Variants in PTPRN2 observed in about 807,000 individuals in gnomAD.
PTPRN2 encodes the protein receptor-type tyrosine-protein phosphatase N2.
In PTPRN2, 74 loss-of-function variants were observed where a neutral mutation model predicts 118.8. The ratio of observed to expected loss-of-function variants is 0.62; its 90% CI spans 0.52 to 0.76. PTPRN2 has a LOEUF of 0.76. Among genes scored for constraint, PTPRN2 ranks in the 30% least tolerant of loss-of-function variants. The pLI is 0.00. For synonymous variants in PTPRN2, 641 were observed against 608.0 expected, an observed-to-expected ratio of 1.05 and a Z score of -0.80; for missense variants, 1,481 against 1,394.4, an observed-to-expected ratio of 1.06 and a Z score of -0.99.
intron 3 of PTPRN2, among the ~76,000 whole-genome samples, chr7:158,304,477 G>C (rs887714403): frequency 1.3e-5 from 2 of 148,458 alleles, no homozygotes; most frequent in African/African-American, 4.9e-5. Flanking sequence ...ATGTACACAG[G>C]CTTGGATTTC....
rs377038236 is a variant in PTPRN2, at chr7:158,055,350, G to A, written c.1723+25948C>T. Among the ~76,000 whole-genome samples, 445 of 152,272 alleles carry A rather than the reference G, an allele frequency of 2.9e-3. 2 individuals are homozygous for A. The highest frequency in any genetic ancestry group is 9.5e-3 in the African/African-American group (396 of 41,574). On this transcript the variant is annotated intron_variant, in intron 11 of 22. Coordinates refer to ENST00000389418, the MANE Select transcript of PTPRN2 (RefSeq NM_002847.5). Reference sequence around the variant, plus strand: ...TCTGGGAAGATGCCCGTTGCCAAGCGGACCGTGGTCAAGCGGTAGCGTCAG... The same window carrying A: ...TCTGGGAAGATGCCCGTTGCCAAGCAGACCGTGGTCAAGCGGTAGCGTCAG...
chr7:158,396,256 CAAAG>C (rs1391384887), intron 2 of PTPRN2, among the ~76,000 whole-genome samples: 1 of 152,158 alleles, frequency 6.6e-6, no homozygotes, highest in African/African-American at 2.4e-5. Flanking sequence ...CACACACACA[CAAAG>C]AAGCCGTTTA....
At chr7:157,768,976 C>T (rs76393724) in intron 12 of PTPRN2, among the ~76,000 whole-genome samples, 1,788 of 152,320 alleles carry the variant, frequency 0.012, 75 homozygotes, top group East Asian at 0.095. Context: ...TAATTACTGT[C>T]ACCGCTGTGT....
At position 158,574,467 on chromosome 7, in the gene PTPRN2, G is replaced by A. The variant is rs562053049; in HGVS notation, c.112+13091C>T. ...AAATAAATGCACATTTCTGTTGGTG[G>A]CGCCATCAGACACTGAGACACTGAG... On this transcript the variant is annotated intron_variant, in intron 1 of 22. Coordinates refer to ENST00000389418, the MANE Select transcript of PTPRN2 (RefSeq NM_002847.5). This position sits in a 1 kb window ranked among gnomAD's most constrained non-coding sequence, Gnocchi z 4.6. 2.6e-5 allele frequency among the ~76,000 whole-genome samples: 4 copies of A among 152,248 alleles called. No homozygotes were observed. Among genetic ancestry groups the A allele is most frequent in the Admixed American group, 2.6e-4 (4 of 15,298 alleles).
At chr7:157,857,180 G>C (rs1809771078) in intron 12 of PTPRN2, 1 of 151,520 alleles carries the variant, frequency 6.6e-6, no homozygotes, top group Non-Finnish European at 1.5e-5. Flanking sequence ...CGCTGGAAGG[G>C]GAGGGAGGGG....
In PTPRN2 at chr7:157,754,887, TTTG is replaced by T. The variant is rs200235655; in HGVS notation, c.1789-71953_1789-71951del. Among the ~76,000 whole-genome samples the T allele has an allele frequency of 1.8e-4, 28 of 152,074 alleles. No individual in the cohort carries two copies. In the South Asian group the frequency reaches 3.9e-3, roughly 21 times the overall value. The stretch of plus-strand genomic sequence containing the variant: ...GAGGAAGAACTTAGATTATAATGCT[TTTG>T]TTGTTGTTGTTTGAGACAGAGTCTC... On this transcript the variant is annotated intron_variant, in intron 12 of 22. Coordinates refer to ENST00000389418, the MANE Select transcript of PTPRN2 (RefSeq NM_002847.5).
chr7:157,706,225 C>T (rs547652462), intron 12 of PTPRN2, among the ~76,000 whole-genome samples: 1 of 152,266 alleles, frequency 6.6e-6, no homozygotes, highest in South Asian at 2.1e-4. Context: ...GACTCCAGTG[C>T]CTTCTGGATT....
chr7:158,096,463 T>A (rs1814631038), intron 10 of PTPRN2, among the ~76,000 whole-genome samples: 1 of 152,224 alleles, frequency 6.6e-6, no homozygotes, highest in Non-Finnish European at 1.5e-5. Context: ...AATCATGGGA[T>A]TCACTTAACC....
chr7:157,569,097 G>C (rs983103444), intron 20 of PTPRN2, 131 bp from the exon 21 acceptor site: 36 of 877,322 alleles, frequency 4.1e-5, no homozygotes, highest in Non-Finnish European at 6.2e-5. Context: ...GGATGTGAGA[G>C]GGGGAGGAAG....
chr7:157,773,823 A>G (rs1803032027), intron 12 of PTPRN2, among the ~76,000 whole-genome samples: 1 of 152,238 alleles, frequency 6.6e-6, no homozygotes, highest in Non-Finnish European at 1.5e-5. Flanking sequence ...GATGGTAACA[A>G]TAACTGGACT....
chr7:158,430,991 T>C (rs1384457178), intron 2 of PTPRN2, among the ~76,000 whole-genome samples: 1 of 152,114 alleles, frequency 6.6e-6, no homozygotes, highest in African/African-American at 2.4e-5. Context: ...CAGTCAGCCC[T>C]TGAGGGAGCT....
At chr7:158,156,653 T>C (rs995849776) in intron 6 of PTPRN2, among the ~76,000 whole-genome samples, 2 of 152,296 alleles carry the variant, frequency 1.3e-5, no homozygotes, top group African/African-American at 4.8e-5. Flanking sequence ...AACTGCTGCA[T>C]AGAACGCCCT....
chr7:157,880,605 G>A (rs547866544), intron 12 of PTPRN2, among the ~76,000 whole-genome samples: 1 of 152,308 alleles, frequency 6.6e-6, no homozygotes, highest in East Asian at 1.9e-4. Context: ...GGGCAGGCAG[G>A]CCATCTCCAC....
chr7:158,251,329 C>T lies in PTPRN2; in HGVS notation c.278-46056G>A, dbSNP rs9690471. Among the ~76,000 whole-genome samples, 750 of 152,270 alleles carry T rather than the reference C, an allele frequency of 4.9e-3. 13 individuals carry two copies. The highest frequency in any genetic ancestry group is 0.017 in the African/African-American group (707 of 41,556). ...GAGATCAGATGTCCTCCTTACTGCA[C>T]GGATATGATACATGTGCATGCGGTA... is the stretch of plus-strand genomic sequence containing the variant. On this transcript the variant is annotated intron_variant, in intron 3 of 22. Transcript: ENST00000389418.
Position 158,306,855 on chromosome 7 carries a change from G to T in PTPRN2, c.277+9964C>A, listed in dbSNP as rs201861137. Among the ~76,000 whole-genome samples, 163 of 121,376 alleles carry T rather than the reference G, an allele frequency of 1.3e-3. 1 individual carries two copies. The East Asian group carries it at 0.016, about 12-fold the overall frequency. 79.6% of individuals were successfully genotyped at this position (121,376 alleles called of 152,430 possible). On this transcript the variant is annotated intron_variant, in intron 3 of 22. Transcript: ENST00000389418. ...AAAGACTTTAAATGAGCTGTTTTTT[G>T]TTTTTTTTTTTTTTTTTTTTTTTTT...
intron 11 of PTPRN2, among the ~76,000 whole-genome samples, chr7:157,939,526 G>A: frequency 6.6e-6 from 1 of 152,268 alleles, no homozygotes; most frequent in East Asian, 1.9e-4. Context: ...GATTCACCCT[G>A]TGGACACAGC....
At position 158,316,706 on chromosome 7, in the gene PTPRN2, A is replaced by G. The variant is rs1425139214; in HGVS notation, c.277+113T>C. The G allele has an allele frequency of 7.9e-6, 6 of 760,172 alleles. No homozygotes were observed. In the Admixed American group the frequency reaches 9.3e-5, roughly 12 times the overall value. The allele number at this position is 760,172 out of a possible 1,614,324, so 47.1% of individuals were successfully genotyped here. A position where few individuals can be genotyped will look rare whatever the true frequency, so the allele number is the denominator to read the frequency against. ...CCGGCTCCCACCTGCCCCTTCCACC[A>G]CCACACTCGTGGATTCAGTCCGTCC... On this transcript the variant is annotated intron_variant, in intron 3 of 22. Transcript: ENST00000389418.
chr7:158,118,027 A>T (rs1300542740), intron 9 of PTPRN2, among the ~76,000 whole-genome samples: 2 of 152,226 alleles, frequency 1.3e-5, no homozygotes, highest in East Asian at 1.9e-4. Flanking sequence ...TATAAAATAT[A>T]GTATTATTGT....
At chr7:158,584,590 A>G (rs1315233668) in intron 1 of PTPRN2, among the ~76,000 whole-genome samples, 2 of 152,212 alleles carry the variant, frequency 1.3e-5, no homozygotes, top group Non-Finnish European at 2.9e-5. Flanking sequence ...AATTAATGCC[A>G]TAAGGGAGCC....
Sources: gnomAD v4.1 joint callset for allele counts (sites outside exome capture counted in the v4.1 genomes callset) on GRCh38, gnomAD v4.1.1 for gene constraint, Gnocchi (gnomAD v3.1) non-coding constraint, MANE v1.5 for transcripts, NCBI Gene and HGNC (gene_info 2026-07-23, HGNC 2026-07-21) for gene names.